KAT2A: variants seen among roughly 807,000 people sequenced by gnomAD.
KAT2A encodes the protein lysine acetyltransferase 2A.
KAT2A carries 42 observed loss-of-function variants against 95.2 expected under a neutral mutation model. That is an observed-to-expected ratio of 0.44 (90% confidence interval 0.34 to 0.57). KAT2A has a LOEUF of 0.57. Among genes scored for constraint, KAT2A ranks in the 20% least tolerant of loss-of-function variants. KAT2A has a pLI of 0.01. For missense variants in KAT2A, 784 were observed against 1,126.3 expected (o/e 0.70, Z 4.35); for synonymous variants, 449 against 448.2 (o/e 1.00, Z -0.02).
At position 42,114,035 on chromosome 17, in the gene KAT2A, G is replaced by T; in HGVS notation, c.2285C>A (p.Ala762Asp). ...PFMEPVKKSE[A>D]PDYYEVIRFP... ...GCGGATGACCTCGTAGTAGTCAGGGGCCTCCGACTTCTTCACAGGCTCCAT... is the reference window on the plus strand; with the variant it reads ...GCGGATGACCTCGTAGTAGTCAGGGTCCTCCGACTTCTTCACAGGCTCCAT... Residue 762 changes from alanine (A) to aspartate (D), a missense_variant, in exon 17 of 18, where the codon GCC becomes GAC. Around this residue, in one of 6 missense-constraint regions of KAT2A, gnomAD observed 195 missense variants for 247.1 expected, o/e 0.79. Coordinates refer to ENST00000225916, the MANE Select transcript of KAT2A (RefSeq NM_021078.3). The surrounding 1 kb of genome is among the most constrained non-coding windows in gnomAD (Gnocchi z 6.0). 6.6e-7 allele frequency: 1 copy of T among 1,521,188 alleles called. No homozygotes were observed. Among genetic ancestry groups the T allele is most frequent in the Non-Finnish European group, 8.8e-7 (1 of 1,140,402 alleles). The allele number at this position is 1,521,188 out of a possible 1,614,324, so 94.2% of individuals were successfully genotyped here.
In KAT2A at chr17:42,121,103, C is replaced by A. The variant is rs782745282; in HGVS notation, c.202G>T (p.Gly68Trp). 41 of 1,532,226 alleles carry A rather than the reference C, an allele frequency of 2.7e-5. No individual in the cohort carries two copies. In the Admixed American group the frequency reaches 2.9e-4, roughly 11 times the overall value. 94.9% of individuals were successfully genotyped at this position (1,532,226 alleles called of 1,614,324 possible). ...GGATCCCCCCCGCTCCCGGCCCCCC[C>A]ACTTCCTACCCCGGGCCCCCCAGTC... The part of the protein sequence containing the change: ...TGTGGPGVGS[G>W]GAGSGGDPAR... Residue 68 changes from glycine to tryptophan, a missense_variant, in exon 1 of 18, where the codon GGG (glycine) becomes TGG (tryptophan). Physicochemically the swap from Gly to Trp is radical, Grantham distance 184. Transcript: ENST00000225916.
intron 2 of KAT2A, 110 bp from the exon 3 acceptor site, chr17:42,120,480 G>T: frequency 7.7e-7 from 1 of 1,298,924 alleles, no homozygotes; most frequent in Non-Finnish European, 1.1e-6. Flanking sequence ...CAACCAGTGT[G>T]ACCAACAGTG....
rs371354697 is a variant in KAT2A at position 42,119,488 on chromosome 17, C to T, written c.881+49G>A. 35 of 1,582,550 alleles carry T rather than the reference C, an allele frequency of 2.2e-5. No individual in the cohort carries two copies. The highest frequency in any genetic ancestry group is 2.9e-5 in the Non-Finnish European group (34 of 1,161,160). ...AGGTGAGGGCGGAAACCACTGAACC[C>T]AGGCTGGGCCTGCAAGCCTCCCCCG... On this transcript the variant is annotated intron_variant, in intron 5 of 17. Coordinates refer to ENST00000225916, the MANE Select transcript of KAT2A (RefSeq NM_021078.3). This position sits in a 1 kb window ranked among gnomAD's most constrained non-coding sequence, Gnocchi z 5.3.
rs773533860 is a variant in KAT2A, at chr17:42,113,294, G to A, written c.*355C>T. 2.3e-5 allele frequency: 5 copies of A among 220,970 alleles called. No individual in the cohort carries two copies. Among genetic ancestry groups the A allele is most frequent in the African/African-American group, 4.7e-5 (2 of 42,652 alleles). The allele number at this position is 220,970 out of a possible 1,614,324, so 13.7% of individuals were successfully genotyped here. On this transcript the variant is annotated 3_prime_UTR_variant, in exon 18 of 18. Transcript: ENST00000225916. ...CACTCAAGCTAAAATGAGCAGTTCT[G>A]GTCCTCAGGGAAACAGCCACCTGGG...
At position 42,121,101 on chromosome 17, in the gene KAT2A, CCCA is replaced by C; in HGVS notation, c.201_203del (p.Ser67_Gly68delinsArg). 1 of 1,534,896 alleles carries C rather than the reference CCCA, an allele frequency of 6.5e-7. No individual in the cohort carries two copies. The highest frequency in any genetic ancestry group is 8.8e-7 in the Non-Finnish European group (1 of 1,142,024). On this transcript the variant is annotated inframe_deletion, in exon 1 of 18. Transcript: ENST00000225916. ...CCGGATCCCCCCCGCTCCCGGCCCC[CCCA>C]CTTCCTACCCCGGGCCCCCCAGTCC...
Position 42,121,090 on chromosome 17 carries a change from C to G in KAT2A, c.215G>C (p.Ser72Thr). The G allele has an allele frequency of 6.5e-7, 1 of 1,545,382 alleles. No individual in the cohort carries two copies. The highest frequency in any genetic ancestry group is 1.4e-5 in the African/African-American group (1 of 73,638). Residue 72 changes from serine to threonine, a missense_variant, in exon 1 of 18, where the codon AGC becomes ACC. This residue lies in a region of KAT2A where 142 missense variants were observed against 123.2 expected (regional missense o/e 1.15). Coordinates refer to ENST00000225916, the MANE Select transcript of KAT2A (RefSeq NM_021078.3). The stretch of plus-strand genomic sequence containing the variant: ...GCCAGGTCGAGCCGGATCCCCCCCG[C>G]TCCCGGCCCCCCCACTTCCTACCCC... The part of the protein sequence containing the change: ...GPGVGSGGAG[S>T]GGDPARPGLS...
rs1326074351 is a variant in KAT2A at position 42,120,575 on chromosome 17, C to A, written c.463+131G>T. Reference sequence around the variant, plus strand: ...TTCCTTTCTCCCCCCTTGGTGCACACCCCCCCCCAACCCAATCCCTCCTTC... The same window carrying A: ...TTCCTTTCTCCCCCCTTGGTGCACAACCCCCCCCAACCCAATCCCTCCTTC... On this transcript the variant is annotated intron_variant, in intron 2 of 17. Coordinates refer to ENST00000225916, the MANE Select transcript of KAT2A (RefSeq NM_021078.3). 1.4e-5 allele frequency: 12 copies of A among 883,138 alleles called. No homozygotes were observed. The East Asian group carries it at 3.0e-4, about 22-fold the overall frequency. The allele number at this position is 883,138 out of a possible 1,614,324, so 54.7% of individuals were successfully genotyped here.
intron 3 of KAT2A, 50 bp downstream of exon 3, chr17:42,120,175 C>T: frequency 6.2e-7 from 1 of 1,613,754 alleles, no homozygotes; most frequent in Non-Finnish European, 8.5e-7. Flanking sequence ...GCAGACAACC[C>T]CTCAAGGCCC....
intron 1 of KAT2A, 47 bp downstream of exon 1, chr17:42,120,919 C>G (rs1555667165): frequency 3.2e-6 from 5 of 1,554,932 alleles, no homozygotes; most frequent in African/African-American, 2.7e-5. Flanking sequence ...CACCAGAGCC[C>G]TGGGATGCCC....
In KAT2A at chr17:42,118,012, C is replaced by T; in HGVS notation, c.1186G>A (p.Val396Ile). ...GTGCTGGGAACAACCGCTGCACTGA[C>T]TGAAGCTGAGGAGAGAGAGAGACGT... ...GTQLVPRPAS[V>I]SAAVVPSTPI... is the part of the protein sequence containing the mutation. Residue 396 changes from valine (V) to isoleucine (I), a missense_variant, in exon 8 of 18, where the codon GTC becomes ATC. By Grantham distance (29) the Val-to-Ile change is conservative. Transcript: ENST00000225916. 6.9e-7 allele frequency: 1 copy of T among 1,450,886 alleles called. No homozygotes were observed. The highest frequency in any genetic ancestry group is 9.3e-7 in the Non-Finnish European group (1 of 1,075,904). 89.9% of individuals were successfully genotyped at this position (1,450,886 alleles called of 1,614,324 possible). A position where few individuals can be genotyped will look rare whatever the true frequency, so the allele number is the denominator to read the frequency against.
chr17:42,120,574 ACCC>A, intron 2 of KAT2A, 129 bp downstream of exon 2: 1 of 915,014 alleles, frequency 1.1e-6, no homozygotes, highest in Non-Finnish European at 1.6e-6. Flanking sequence ...CTTGGTGCAC[ACCC>A]CCCCCCAACC....
Position 42,113,749 on chromosome 17 carries a change from C to T in KAT2A, c.2414G>A (p.Arg805His), listed in dbSNP as rs1555665181. The change falls in exon 18 of 18, where the codon CGC (arginine) becomes CAC (histidine). Residue 805 changes from arginine to histidine, a missense_variant. Arg to His is a conservative substitution (Grantham distance 29). Coordinates refer to ENST00000225916, the MANE Select transcript of KAT2A (RefSeq NM_021078.3). ...CTCGCTGTCCGGGGGGTTGTACTCGCGACAGTTGGCGATGACCCGCTGCAG... is the reference window on the plus strand; with the variant it reads ...CTCGCTGTCCGGGGGGTTGTACTCGTGACAGTTGGCGATGACCCGCTGCAG... ...ADLQRVIANC[R>H]EYNPPDSEYC... 3.1e-6 allele frequency: 5 copies of T among 1,610,176 alleles called. No individual in the cohort carries two copies. Among genetic ancestry groups the T allele is most frequent in the Admixed American group, 1.7e-5 (1 of 58,646 alleles).
chr17:42,120,708 A>G lies in KAT2A; in HGVS notation c.461T>C (p.Leu154Ser). The G allele has an allele frequency of 6.2e-7, 1 of 1,613,876 alleles. No individual in the cohort carries two copies. The highest frequency in any genetic ancestry group is 8.5e-7 in the Non-Finnish European group (1 of 1,179,990). Residue 154 changes from leucine (L) to serine (S), a missense_variant and splice_region_variant, in exon 2 of 18, where the codon TTG (leucine) becomes TCG (serine). Around this residue, in one of 6 missense-constraint regions of KAT2A, gnomAD observed 208 missense variants for 339.7 expected, o/e 0.61. Coordinates refer to ENST00000225916, the MANE Select transcript of KAT2A (RefSeq NM_021078.3). ...SELCRSCEHPLADHVSHLENV... is the reference protein window; with the variant it reads ...SELCRSCEHPSADHVSHLENV... ...TCCAAGGGCGCTGCCTGCCTTACCC[A>G]AGGGGTGCTCACAACTGCGGCACAG...
At chr17:42,118,947 T>C in intron 6 of KAT2A, 2 of 1,015,098 alleles carry the variant, frequency 2.0e-6, no homozygotes, top group Middle Eastern at 3.6e-4. Context: ...TGGAGAGTTG[T>C]GCAGGGAAGG....
Position 42,117,522 on chromosome 17 carries a change from G to A in KAT2A, c.1503C>T (p.Phe501=), listed in dbSNP as rs781881327. The A allele has an allele frequency of 1.9e-6, 3 of 1,613,602 alleles. No homozygotes were observed. Among genetic ancestry groups the A allele is most frequent in the Non-Finnish European group, 2.5e-6 (3 of 1,180,036 alleles). ...GCGTCAGTGAGTTGCCGATGACATG[G>A]AACTCGATGATGCCGCGGCGCTCCT... is the stretch of plus-strand genomic sequence containing the variant. ...RLEERRGIIE[F]HVIGNSLTPK... The change falls in exon 10 of 18, where the codon TTC becomes TTT. Residue 501 remains phenylalanine (F), a synonymous_variant. Transcript: ENST00000225916. The surrounding 1 kb of genome is among the most constrained non-coding windows in gnomAD (Gnocchi z 8.9).
intron 6 of KAT2A, 54 bp from the exon 7 acceptor site, chr17:42,118,457 GGCCAGGCAGC>G: frequency 7.6e-7 from 1 of 1,313,378 alleles, no homozygotes; most frequent in Non-Finnish European, 1.1e-6. Flanking sequence ...GTGCAGCCTG[GGCCAGGCAGC>G]AGAGGGACTG....
At position 42,118,216 on chromosome 17, in the gene KAT2A, C is replaced by T. The variant is rs529727166; in HGVS notation, c.1180+81G>A. The T allele has an allele frequency of 4.4e-3, 5,006 of 1,147,178 alleles. 28 individuals are homozygous for T. Among genetic ancestry groups the T allele is most frequent in the Middle Eastern group, 9.8e-3 (48 of 4,914 alleles). 71.1% of individuals were successfully genotyped at this position (1,147,178 alleles called of 1,614,324 possible). On this transcript the variant is annotated intron_variant, in intron 7 of 17. Transcript: ENST00000225916. ...CTCAGTGGGATCCAGGGCCTCCGGCCCAGGTGAGCTCTCTTCCACCCAGGA... is the reference window on the plus strand; with the variant it reads ...CTCAGTGGGATCCAGGGCCTCCGGCTCAGGTGAGCTCTCTTCCACCCAGGA...
Position 42,117,484 on chromosome 17 carries a change from C to T in KAT2A, c.1541G>A (p.Arg514Gln), listed in dbSNP as rs782377105. 11 of 1,613,742 alleles carry T rather than the reference C, an allele frequency of 6.8e-6. No homozygotes were observed. The highest frequency in any genetic ancestry group is 2.2e-5 in the East Asian group (1 of 44,884). ...IGNSLTPKAN[R>Q]RVLLWLVGLQ... ...CCCCACGAGCCACAGCAACACCCGC[C>T]GGTTGGCCTTGGGCGTCAGTGAGTT... The change falls in exon 10 of 18, where the codon CGG becomes CAG. Residue 514 changes from arginine (R) to glutamine (Q), a missense_variant. Around this residue, in one of 6 missense-constraint regions of KAT2A, gnomAD observed 174 missense variants for 324.9 expected, o/e 0.54. Transcript: ENST00000225916. The surrounding 1 kb of genome is among the most constrained non-coding windows in gnomAD (Gnocchi z 8.9).
chr17:42,117,962 A>G lies in KAT2A; in HGVS notation c.1236T>C (p.Gly412=), dbSNP rs1224874022. The part of the protein sequence containing the change: ...PSTPIFSPSM[G]GGSNSSLSLD... ...GACTCAGGGAGCTGTTGCTGCCCCC[A>G]CCCATGCTGGGGCTGAAGATGGGGG... The change falls in exon 8 of 18, where the codon GGT becomes GGC. Residue 412 remains glycine (G), a synonymous_variant. Transcript: ENST00000225916. The surrounding 1 kb of genome is among the most constrained non-coding windows in gnomAD (Gnocchi z 8.9). 2 of 1,608,112 alleles carry G rather than the reference A, an allele frequency of 1.2e-6. No homozygotes were observed. Among genetic ancestry groups the G allele is most frequent in the East Asian group, 4.5e-5 (2 of 44,744 alleles).
Sources: allele counts gnomAD v4.1 joint callset, GRCh38; gene constraint gnomAD v4.1.1; regional missense constraint gnomAD v4.1.1; non-coding constraint Gnocchi (gnomAD v3.1); transcripts MANE v1.5; gene names NCBI Gene and HGNC (gene_info 2026-07-23, HGNC 2026-07-21).